SERPINB6: variants seen among roughly 807,000 people sequenced by gnomAD.
SERPINB6 encodes the protein serpin B6.
In SERPINB6, 16 loss-of-function variants were observed where a neutral mutation model predicts 26.1. The observed-to-expected ratio is 0.61, with a 90% CI of 0.42 to 0.93. SERPINB6 has a LOEUF of 0.93. Among genes scored for constraint, SERPINB6 ranks in the 40% least tolerant of loss-of-function variants. The probability of loss-of-function intolerance (pLI) is 0.00; values close to 1 mark genes in which losing one functional copy is unlikely to be tolerated. For missense variants in SERPINB6, 420 were observed against 478.0 expected, an observed-to-expected ratio of 0.88 and a Z score of 1.13; for synonymous variants, 174 against 176.6, an observed-to-expected ratio of 0.99 and a Z score of 0.11.
intron 1 of SERPINB6, chr6:2,968,845 G>A: frequency 1.6e-6 from 2 of 1,231,428 alleles, no homozygotes; most frequent in Non-Finnish European, 2.0e-6. Context: ...TGTGCTCAAG[G>A]GATCAGCAGC....
At position 2,955,629 on chromosome 6, in the gene SERPINB6, G is replaced by A. The variant is rs1260981430; in HGVS notation, c.207C>T (p.His69=). 6.2e-7 allele frequency: 1 copy of A among 1,614,176 alleles called. No homozygotes were observed. The highest frequency in any genetic ancestry group is 2.2e-5 in the East Asian group (1 of 44,882). The change falls in exon 3 of 7, where the codon CAC becomes CAT. Residue 69 remains histidine (H), a synonymous_variant. Transcript: ENST00000380539. ...FNKSGGGGDI[H]QGFQSLLTEV... is the part of the protein sequence containing the mutation. The stretch of plus-strand genomic sequence containing the variant: ...CGGTGAGAAGAGACTGGAAGCCCTG[G>A]TGGATGTCTCCACCACCGCCACTTT...
rs1770836415 is a variant in SERPINB6 at position 2,959,238 on chromosome 6, A to G, written c.95T>C (p.Met32Thr). Reference sequence around the variant, plus strand: ...CATGGCCAGGGCACAGGACATGCTCATGGGTGAGAAAAACACATTCTTCGA... The same window carrying G: ...CATGGCCAGGGCACAGGACATGCTCGTGGGTGAGAAAAACACATTCTTCGA... ...DNSKNVFFSP[M>T]SMSCALAMVY... The change falls in exon 2 of 7, where the codon ATG becomes ACG. Residue 32 changes from methionine to threonine, a missense_variant. Met to Thr is a moderately conservative substitution (Grantham distance 81, BLOSUM62 -1). Transcript: ENST00000380539. 1 of 1,614,176 alleles carries G rather than the reference A, an allele frequency of 6.2e-7. No individual in the cohort carries two copies. Among genetic ancestry groups the G allele is most frequent in the East Asian group, 2.2e-5 (1 of 44,876 alleles).
At chr6:2,955,341 G>A (rs916456536) in intron 3 of SERPINB6, 183 bp downstream of exon 3, 2 of 678,954 alleles carry the variant, frequency 2.9e-6, no homozygotes, top group East Asian at 2.8e-5. Flanking sequence ...CACTTCAAAA[G>A]CGTGAAGTAG....
chr6:2,956,849 G>A (rs1279686663), intron 2 of SERPINB6: 4 of 152,688 alleles, frequency 2.6e-5, no homozygotes, highest in Admixed American at 2.6e-4. Context: ...GAGGTTTCAG[G>A]TGTGAGAGAG....
At chr6:2,969,361 A>T in intron 1 of SERPINB6, 1 of 961,054 alleles carries the variant, frequency 1.0e-6, no homozygotes, top group Non-Finnish European at 1.2e-6. Flanking sequence ...ATATGTGAAT[A>T]CACATGTATA....
chr6:2,970,016 G>A, intron 1 of SERPINB6: 1 of 928,954 alleles, frequency 1.1e-6, no homozygotes, highest in Non-Finnish European at 1.3e-6. Flanking sequence ...GGAGGTGGAG[G>A]TTGCAGTCAG....
At chr6:2,961,684 A>C (rs1379380556) in intron 1 of SERPINB6, among the ~76,000 whole-genome samples, 1 of 152,010 alleles carries the variant, frequency 6.6e-6, no homozygotes, top group Admixed American at 6.6e-5. Context: ...TGGCCTGGGG[A>C]CATGGACTTC....
intron 1 of SERPINB6, among the ~76,000 whole-genome samples, chr6:2,965,505 T>C (rs1389693266): frequency 6.6e-6 from 1 of 152,250 alleles, no homozygotes; most frequent in South Asian, 2.1e-4. Flanking sequence ...TGACATATTT[T>C]AATATGTCTA....
At position 2,954,651 on chromosome 6, in the gene SERPINB6, A is replaced by T; in HGVS notation, c.371T>A (p.Ile124Asn). The T allele has an allele frequency of 4.3e-6, 7 of 1,614,116 alleles. No homozygotes were observed. Among genetic ancestry groups the T allele is most frequent in the Non-Finnish European group, 5.9e-6 (7 of 1,180,032 alleles). The change falls in exon 4 of 7, where the codon ATC (isoleucine) becomes AAC (asparagine). Residue 124 changes from isoleucine (I) to asparagine (N), a missense_variant. By Grantham distance (149) the Ile-to-Asn change is moderately radical. Transcript: ENST00000380539. ...TTTTCTGGACTTCTCTACGGCGCTG[A>T]TAAAGTCAAGCTCCTCCATCTCTGC... ...YQAEMEELDF[I>N]SAVEKSRKHI...
intron 1 of SERPINB6, chr6:2,968,798 C>T: frequency 1.6e-6 from 2 of 1,231,714 alleles, no homozygotes; most frequent in South Asian, 8.2e-5. Context: ...GTTCTGTTTA[C>T]ATGGACAGGA....
rs1417170261 is a variant in SERPINB6, at chr6:2,959,291, G to A, written c.42C>T (p.Asn14=). Residue 14 remains asparagine (N), a synonymous_variant, in exon 2 of 7, where the codon AAC becomes AAT. Transcript: ENST00000380539. ...LAEANGTFAL[N]LLKTLGKDNS... is the part of the protein sequence containing the mutation. ...TGTCTTTACCCAGCGTTTTCAAAAGGTTTAAGGCAAAGGTGCCATTTGCTT... is the reference window on the plus strand; with the variant it reads ...TGTCTTTACCCAGCGTTTTCAAAAGATTTAAGGCAAAGGTGCCATTTGCTT... 8.1e-6 allele frequency: 13 copies of A among 1,614,188 alleles called. No homozygotes were observed. The highest frequency in any genetic ancestry group is 1.0e-5 in the Non-Finnish European group (12 of 1,180,042).
chr6:2,970,057 CAAAAA>C (rs754952384), intron 1 of SERPINB6: 25 of 808,932 alleles, frequency 3.1e-5, no homozygotes, highest in East Asian at 1.8e-4. Flanking sequence ...TCCAGCCTGG[CAAAAA>C]AAAAAAAAAA....
intron 2 of SERPINB6, chr6:2,958,306 A>T (rs1350561761): frequency 1.3e-5 from 2 of 152,234 alleles, no homozygotes; most frequent in Non-Finnish European, 2.9e-5. Context: ...GCTCCCAGGG[A>T]ACCACCAGGT....
At chr6:2,950,404 G>A (rs1168019405) in intron 5 of SERPINB6, among the ~76,000 whole-genome samples, 5 of 151,854 alleles carry the variant, frequency 3.3e-5, no homozygotes, top group South Asian at 2.1e-4. Context: ...ATGGTGGTGC[G>A]CTCCTGTAAT....
chr6:2,962,929 C>G (rs1771274732), intron 1 of SERPINB6, among the ~76,000 whole-genome samples: 1 of 152,204 alleles, frequency 6.6e-6, no homozygotes. Flanking sequence ...ACTCCCCAAA[C>G]AGGAACAAGA....
chr6:2,951,968 G>A lies in SERPINB6; in HGVS notation c.573+1076C>T, dbSNP rs111255501. On this transcript the variant is annotated intron_variant, in intron 5 of 6. Coordinates refer to ENST00000380539, the MANE Select transcript of SERPINB6 (RefSeq NM_004568.6). ...ATCTTGTGACCATGAGGAAGAAGGC[G>A]ACGTGCTGAGAATGGTGGAGCCGCC... Among the ~76,000 whole-genome samples, 91 of 152,276 alleles carry A rather than the reference G, an allele frequency of 6.0e-4. No individual in the cohort carries two copies. In the Middle Eastern group the frequency reaches 0.014, roughly 23 times the overall value.
At chr6:2,962,226 A>G in intron 1 of SERPINB6, 2 of 985,414 alleles carry the variant, frequency 2.0e-6, no homozygotes, top group Non-Finnish European at 2.4e-6. Context: ...CATCTGGGGC[A>G]GAGGAGAAGT....
At chr6:2,962,818 C>A (rs989132479) in intron 1 of SERPINB6, among the ~76,000 whole-genome samples, 1 of 152,186 alleles carries the variant, frequency 6.6e-6, no homozygotes, top group Admixed American at 6.5e-5. Context: ...AACACCCTTA[C>A]GTCAAACAGC....
chr6:2,970,814 T>C (rs1772076721), intron 1 of SERPINB6: 1 of 1,229,676 alleles, frequency 8.1e-7, no homozygotes, highest in East Asian at 3.2e-5. Context: ...TCAAAGCCTG[T>C]AATAGTTTGC....
Sources: gnomAD v4.1 joint callset for allele counts (sites outside exome capture counted in the v4.1 genomes callset) on GRCh38, gnomAD v4.1.1 for gene constraint, MANE v1.5 for transcripts, NCBI Gene and HGNC (gene_info 2026-07-23, HGNC 2026-07-21) for gene names.